RORA: variants seen among roughly 807,000 people sequenced by gnomAD.
RORA encodes RAR related orphan receptor A.
Under a neutral mutation model 69.5 loss-of-function variants are expected in RORA, and 7 were observed. That is an observed-to-expected ratio of 0.10 (90% CI 0.06 to 0.19). The LOEUF is 0.19. RORA is among the 10% of genes least tolerant of loss of function. The pLI, the probability that RORA is intolerant of heterozygous loss-of-function variation, is 1.00. For synonymous variants in RORA, 261 were observed against 240.8 expected (o/e 1.08, Z -0.78); for missense variants, 457 against 663.0 (o/e 0.69, Z 3.41).
chr15:60,567,286 C>T (rs1422766447), intron 2 of RORA, among the ~76,000 whole-genome samples: 1 of 151,964 alleles, frequency 6.6e-6, no homozygotes, highest in Non-Finnish European at 1.5e-5. Flanking sequence ...ATGTGCCGTC[C>T]AGCGGTCCAA....
At chr15:60,762,462 A>C (rs1313903205) in intron 1 of RORA, among the ~76,000 whole-genome samples, 1 of 152,202 alleles carries the variant, frequency 6.6e-6, no homozygotes, top group Non-Finnish European at 1.5e-5. Flanking sequence ...TCTATGGTGA[A>C]AGGTCACCAG....
chr15:60,773,575 T>G (rs575351727), intron 1 of RORA, among the ~76,000 whole-genome samples: 3 of 152,332 alleles, frequency 2.0e-5, no homozygotes, highest in Non-Finnish European at 4.4e-5. Context: ...GATACCCCGA[T>G]AACTATTAAG....
At chr15:60,608,589 A>G (rs2069006465) in intron 2 of RORA, among the ~76,000 whole-genome samples, 1 of 152,194 alleles carries the variant, frequency 6.6e-6, no homozygotes, top group Non-Finnish European at 1.5e-5. Context: ...CTGTTCCTGA[A>G]GAGTTTATAT....
rs10674463 is a variant in RORA at position 60,610,198 on chromosome 15, T to TCACACACACACA, written c.196+68447_196+68458dup. ...CAATCATTCTAAAGTGTCGTGTAAG[T>TCACACACACACA]CACACACACACACACACACACACAC... is the stretch of plus-strand genomic sequence containing the variant. On this transcript the variant is annotated intron_variant, in intron 2 of 10. Transcript: ENST00000335670. Among the ~76,000 whole-genome samples the TCACACACACACA allele has an allele frequency of 8.8e-3, 1,303 of 148,458 alleles. 27 individuals are homozygous for TCACACACACACA. Among genetic ancestry groups the TCACACACACACA allele is most frequent in the African/African-American group, 0.031 (1,247 of 40,334 alleles).
At chr15:60,714,585 G>A (rs981215245) in intron 1 of RORA, among the ~76,000 whole-genome samples, 12 of 141,552 alleles carry the variant, frequency 8.5e-5, no homozygotes, top group African/African-American at 2.9e-4. Flanking sequence ...GGCTGGTCTC[G>A]AACTCCTGAC....
chr15:60,583,111 G>C (rs942949665), intron 2 of RORA, among the ~76,000 whole-genome samples: 9 of 152,160 alleles, frequency 5.9e-5, no homozygotes, highest in East Asian at 1.9e-4. Context: ...AAAAGAAAAA[G>C]GGGGCTGGTG....
In RORA at chr15:61,061,962, C is replaced by T. The variant is rs918258872; in HGVS notation, c.166+167091G>A. 5.9e-5 allele frequency among the ~76,000 whole-genome samples: 9 copies of T among 152,228 alleles called. No individual in the cohort carries two copies. Among genetic ancestry groups the T allele is most frequent in the African/African-American group, 2.2e-4 (9 of 41,522 alleles). On this transcript the variant is annotated intron_variant, in intron 1 of 10. Coordinates refer to ENST00000335670, the MANE Select transcript of RORA (RefSeq NM_134261.3). The surrounding 1 kb of genome is among the most constrained non-coding windows in gnomAD (Gnocchi z 4.4). The stretch of plus-strand genomic sequence containing the variant: ...CCTGTAATGCCAGCTACTTGGGAGG[C>T]TGAGGCAGGAGAATCCCTTGAACCT...
intron 1 of RORA, among the ~76,000 whole-genome samples, chr15:61,117,178 C>CT (rs35859710): frequency 0.065 from 9,054 of 138,336 alleles, 348 homozygotes; most frequent in Middle Eastern, 0.13. Flanking sequence ...TTAAAAGTTA[C>CT]TTTTTTTTTT....
At chr15:61,222,115 T>TA (rs1455250175) in intron 1 of RORA, among the ~76,000 whole-genome samples, 1 of 152,156 alleles carries the variant, frequency 6.6e-6, no homozygotes, top group Non-Finnish European at 1.5e-5. Flanking sequence ...AGAAAACATC[T>TA]ATGGTATAGA....
rs116478023 is a variant in RORA at position 60,926,868 on chromosome 15, C to T, written c.167-248182G>A. Among the ~76,000 whole-genome samples the T allele has an allele frequency of 8.6e-3, 1,307 of 152,262 alleles. 25 individuals are homozygous for T. The highest frequency in any genetic ancestry group is 0.03 in the African/African-American group (1,253 of 41,552). ...TGTAATTAATCCATGTATGTAAGTACATCCAGATAGACTGTACAGAGAGAG... is the reference window on the plus strand; with the variant it reads ...TGTAATTAATCCATGTATGTAAGTATATCCAGATAGACTGTACAGAGAGAG... On this transcript the variant is annotated intron_variant, in intron 1 of 10. Transcript: ENST00000335670.
In RORA at chr15:61,134,174, C is replaced by T. The variant is rs533851007; in HGVS notation, c.166+94879G>A. On this transcript the variant is annotated intron_variant, in intron 1 of 10. Coordinates refer to ENST00000335670, the MANE Select transcript of RORA (RefSeq NM_134261.3). ...TGGCTCAATGAAACTTTATGTCCCT[C>T]CCTCAGAGTCTAAGAATTGGCTTGG... Among the ~76,000 whole-genome samples the T allele has an allele frequency of 7.6e-4, 116 of 151,848 alleles. 1 individual carries two copies. Among genetic ancestry groups the T allele is most frequent in the Non-Finnish European group, 1.4e-3 (96 of 68,040 alleles).
intron 1 of RORA, among the ~76,000 whole-genome samples, chr15:60,937,766 G>A (rs1310293406): frequency 1.3e-5 from 2 of 152,084 alleles, no homozygotes; most frequent in Non-Finnish European, 2.9e-5. Flanking sequence ...CAGCCACTCT[G>A]GCCATCTGAA....
intron 1 of RORA, among the ~76,000 whole-genome samples, chr15:61,115,368 T>C (rs2079041763): frequency 6.6e-6 from 1 of 152,034 alleles, no homozygotes; most frequent in South Asian, 2.1e-4. Flanking sequence ...CCACTAACTT[T>C]AAAGGGAGCC....
intron 2 of RORA, among the ~76,000 whole-genome samples, chr15:60,579,064 GTTTTTT>G (rs869076097): frequency 1.5e-5 from 2 of 129,696 alleles, no homozygotes; most frequent in African/African-American, 5.9e-5. Flanking sequence ...ACCGCGCCCG[GTTTTTT>G]TTTTTTTTTT....
chr15:61,048,183 A>G (rs1169482425), intron 1 of RORA, among the ~76,000 whole-genome samples: 1 of 152,166 alleles, frequency 6.6e-6, no homozygotes, highest in Non-Finnish European at 1.5e-5. Flanking sequence ...AATATCAACA[A>G]TACTTTAAGT....
chr15:61,124,157 T>C (rs2079124794), intron 1 of RORA, among the ~76,000 whole-genome samples: 1 of 152,188 alleles, frequency 6.6e-6, no homozygotes, highest in Non-Finnish European at 1.5e-5. Flanking sequence ...CTTAGCCCAT[T>C]ATGCAGCCTG....
At chr15:61,060,271 T>A (rs2078164205) in intron 1 of RORA, among the ~76,000 whole-genome samples, 1 of 152,192 alleles carries the variant, frequency 6.6e-6, no homozygotes, top group Non-Finnish European at 1.5e-5. Flanking sequence ...CCAAAGTGCG[T>A]GCCTGGCAAA....
At chr15:60,982,306 T>G (rs1387068953) in intron 1 of RORA, among the ~76,000 whole-genome samples, 1 of 152,212 alleles carries the variant, frequency 6.6e-6, no homozygotes, top group Admixed American at 6.5e-5. Context: ...TGCACAGCCC[T>G]GGACATGTGA....
intron 1 of RORA, among the ~76,000 whole-genome samples, chr15:60,832,761 A>T (rs2073059139): frequency 6.6e-6 from 1 of 152,150 alleles, no homozygotes; most frequent in African/African-American, 2.4e-5. Context: ...CATTTTGTTG[A>T]GGAAAAAATG....
Sources: allele counts gnomAD v4.1 joint callset (sites outside exome capture counted in the v4.1 genomes callset), GRCh38; gene constraint gnomAD v4.1.1; non-coding constraint Gnocchi (gnomAD v3.1); transcripts MANE v1.5; gene names NCBI Gene and HGNC (gene_info 2026-07-23, HGNC 2026-07-21).